PCM1: variants seen among roughly 807,000 people sequenced by gnomAD.
PCM1 encodes pericentriolar material 1 protein.
A neutral mutation model predicts 241.9 loss-of-function variants in PCM1; 157 were observed. That is an observed-to-expected ratio of 0.65 (90% CI 0.57 to 0.74). The LOEUF (loss-of-function observed/expected upper bound fraction) is 0.74. Ranked by LOEUF, PCM1 falls within the 30% of genes least tolerant of loss-of-function variation. The pLI, the probability that PCM1 is intolerant of heterozygous loss-of-function variation, is 0.00. For missense variants in PCM1, 3,478 were observed against 2,360.1 expected, an observed-to-expected ratio of 1.47 and a Z score of -9.81; for synonymous variants, 1,085 against 784.9, an observed-to-expected ratio of 1.38 and a Z score of -6.39.
At chr8:17,952,619 G>T (rs185760562) in intron 8 of PCM1, among the ~76,000 whole-genome samples, 199 of 152,254 alleles carry the variant, frequency 1.3e-3, no homozygotes, top group African/African-American at 4.5e-3. Context: ...ATTGTATTAG[G>T]TATTATAAGT....
chr8:17,940,664 A>G (rs1159455048), intron 6 of PCM1, among the ~76,000 whole-genome samples: 1 of 152,210 alleles, frequency 6.6e-6, no homozygotes. Flanking sequence ...AGTAAATGGG[A>G]CAGGATAGCA....
intron 13 of PCM1, among the ~76,000 whole-genome samples, chr8:17,958,974 G>T (rs569369390): frequency 2.2e-4 from 33 of 152,160 alleles, no homozygotes; most frequent in African/African-American, 8.0e-4. Context: ...CACCCACCTT[G>T]GCTTCCCAAA....
intron 2 of PCM1, 100 bp downstream of exon 2, chr8:17,924,880 C>G (rs2056294724): frequency 6.6e-6 from 1 of 152,174 alleles, no homozygotes; most frequent in African/African-American, 2.4e-5. Flanking sequence ...ACTGAGGATC[C>G]TCTCTGCTTA....
At chr8:17,937,857 C>CTA (rs1287930269) in intron 4 of PCM1, among the ~76,000 whole-genome samples, 1 of 152,022 alleles carries the variant, frequency 6.6e-6, no homozygotes, top group Non-Finnish European at 1.5e-5. Flanking sequence ...ACTCTTAGAT[C>CTA]TATATGTCAT....
Position 17,947,183 on chromosome 8 carries a change from C to T in PCM1, c.784-3C>T. 1.3e-6 allele frequency: 2 copies of T among 1,563,042 alleles called. No individual in the cohort carries two copies. The highest frequency in any genetic ancestry group is 1.2e-5 in the South Asian group (1 of 83,946). ...TACAAGTATTGTTGGTCTTATTTTC[C>T]AGGCCAGAGATCCTCAGCAGGAGCC... On this transcript the variant is annotated splice_polypyrimidine_tract_variant and splice_region_variant and intron_variant, in intron 6 of 38. Transcript: ENST00000325083.
At chr8:17,955,046 G>C (rs1182751271) in intron 9 of PCM1, among the ~76,000 whole-genome samples, 1 of 152,080 alleles carries the variant, frequency 6.6e-6, no homozygotes, top group African/African-American at 2.4e-5. Flanking sequence ...AAAGATTACA[G>C]ATTGAGTACT....
chr8:17,947,342 A>T lies in PCM1; in HGVS notation c.940A>T (p.Ile314Phe). 15 of 1,598,806 alleles carry T rather than the reference A, an allele frequency of 9.4e-6. No homozygotes were observed. Among genetic ancestry groups the T allele is most frequent in the Non-Finnish European group, 1.1e-5 (13 of 1,173,700 alleles). ...LALQHKAEQA[I>F]AVMDDSVVAE... ...TCTGCAACATAAAGCAGAGCAAGCT[A>T]TTGCAGTGATGGATGATTCTGGTAT... Residue 314 changes from isoleucine to phenylalanine, a missense_variant, in exon 7 of 39, where the codon ATT (isoleucine) becomes TTT (phenylalanine). Physicochemically the swap from Ile to Phe is conservative, Grantham distance 21 (BLOSUM62 0). Transcript: ENST00000325083.
intron 10 of PCM1, among the ~76,000 whole-genome samples, chr8:17,956,329 C>T (rs1299865764): frequency 6.6e-6 from 1 of 152,124 alleles, no homozygotes; most frequent in African/African-American, 2.4e-5. Context: ...CTGCTATTAA[C>T]ATTTACACCT....
chr8:17,979,927 AT>A (rs1215159966), intron 23 of PCM1, among the ~76,000 whole-genome samples: 2 of 152,194 alleles, frequency 1.3e-5, no homozygotes, highest in Non-Finnish European at 2.9e-5. Context: ...TAAAAATGGC[AT>A]TGGAATAGCT....
At chr8:17,958,103 T>G (rs2069551499) in intron 13 of PCM1, among the ~76,000 whole-genome samples, 2 of 152,192 alleles carry the variant, frequency 1.3e-5, no homozygotes, top group African/African-American at 4.8e-5. Flanking sequence ...ATAGCTGTTT[T>G]TATTTACAAA....
At chr8:18,016,863 G>T (rs2093268750) in intron 36 of PCM1, among the ~76,000 whole-genome samples, 1 of 152,202 alleles carries the variant, frequency 6.6e-6, no homozygotes, top group Admixed American at 6.5e-5. Flanking sequence ...GGACACCGAG[G>T]TCTGGCTCCT....
At chr8:18,012,459 A>C (rs925167266) in intron 34 of PCM1, among the ~76,000 whole-genome samples, 1 of 152,204 alleles carries the variant, frequency 6.6e-6, no homozygotes, top group Non-Finnish European at 1.5e-5. Context: ...AAACTTTATC[A>C]TAGATAAGTG....
At position 18,001,781 on chromosome 8, in the gene PCM1, C is replaced by CT. The variant is rs1221919846; in HGVS notation, c.4828-4474dup. On this transcript the variant is annotated intron_variant, in intron 29 of 38. Transcript: ENST00000325083. ...TTTCTTCCCTCAGCAGAAGTAATTG[C>CT]TTTTTTTTGGAATGTTTTGAGAGAA... is the stretch of plus-strand genomic sequence containing the variant. Among the ~76,000 whole-genome samples the CT allele has an allele frequency of 9.2e-5, 14 of 151,746 alleles. No homozygotes were observed. The East Asian group carries it at 2.1e-3, about 23-fold the overall frequency.
In PCM1 at chr8:17,969,692, T is replaced by C; in HGVS notation, c.3528T>C (p.Tyr1176=). The C allele has an allele frequency of 6.2e-7, 1 of 1,613,270 alleles. No homozygotes were observed. ...AGAATTCTTCAGGAAAAACAGAATA[T>C]ATGGCTTTTCCAAAACCTTTTGAAA... ...LAQNSSGKTE[Y]MAFPKPFESS... The change falls in exon 22 of 39, where the codon TAT becomes TAC. Residue 1176 remains tyrosine, a synonymous_variant. Coordinates refer to ENST00000325083, the MANE Select transcript of PCM1 (RefSeq NM_006197.4).
At chr8:17,927,493 A>G (rs1483163574) in intron 2 of PCM1, 1 of 152,074 alleles carries the variant, frequency 6.6e-6, no homozygotes, top group East Asian at 1.9e-4. Flanking sequence ...AGGTATTTTC[A>G]TGGTAATTAA....
Position 17,935,717 on chromosome 8 carries a change from T to A in PCM1, c.96+11T>A. 1 of 1,183,596 alleles carries A rather than the reference T, an allele frequency of 8.4e-7. No homozygotes were observed. The highest frequency in any genetic ancestry group is 1.3e-6 in the Non-Finnish European group (1 of 788,270). The allele number at this position is 1,183,596 out of a possible 1,614,324, so 73.3% of individuals were successfully genotyped here. On this transcript the variant is annotated intron_variant, in intron 3 of 38. Coordinates refer to ENST00000325083, the MANE Select transcript of PCM1 (RefSeq NM_006197.4). Reference sequence around the variant, plus strand: ...AGGCTCAACAATATGGTATGATTCCTTACTCTTCATGGTGTGTTGTTGGCT... The same window carrying A: ...AGGCTCAACAATATGGTATGATTCCATACTCTTCATGGTGTGTTGTTGGCT...
At position 17,957,791 on chromosome 8, in the gene PCM1, T is replaced by C. The variant is rs1430291660; in HGVS notation, c.2040+16T>C. 3 of 1,551,892 alleles carry C rather than the reference T, an allele frequency of 1.9e-6. No individual in the cohort carries two copies. The highest frequency in any genetic ancestry group is 2.7e-6 in the Non-Finnish European group (3 of 1,127,716). ...TATGGTACAGGTAAATATTGCTTGG[T>C]CTTTTAAAAACCTATTTGTCAAATA... On this transcript the variant is annotated intron_variant, in intron 13 of 38. Transcript: ENST00000325083.
chr8:17,936,545 C>T (rs1181646971), intron 3 of PCM1, among the ~76,000 whole-genome samples: 1 of 152,044 alleles, frequency 6.6e-6, no homozygotes, highest in Non-Finnish European at 1.5e-5. Context: ...TACATTTTTA[C>T]CTATAAAAAT....
intron 36 of PCM1, among the ~76,000 whole-genome samples, chr8:18,016,615 G>A (rs1049291000): frequency 6.6e-6 from 1 of 152,170 alleles, no homozygotes; most frequent in African/African-American, 2.4e-5. Flanking sequence ...CCTTGCTAAA[G>A]GCAAATAAGA....
Sources: gnomAD v4.1 joint callset for allele counts (sites outside exome capture counted in the v4.1 genomes callset) on GRCh38, gnomAD v4.1.1 for gene constraint, MANE v1.5 for transcripts, NCBI Gene and HGNC (gene_info 2026-07-23, HGNC 2026-07-21) for gene names.